The following ARHGAP26 variants were observed in gnomAD, a reference collection of about 807,000 sequenced individuals.
ARHGAP26 encodes Rho GTPase activating protein 26.
Under a neutral mutation model 104.8 loss-of-function variants are expected in ARHGAP26, and 38 were observed. The ratio of observed to expected loss-of-function variants is 0.36; its 90% CI spans 0.28 to 0.48. The LOEUF (loss-of-function observed/expected upper bound fraction) is 0.48, where lower values mean the gene tolerates loss of function less well. Among genes scored for constraint, ARHGAP26 ranks in the 20% least tolerant of loss-of-function variants. The pLI is 0.99. For synonymous variants in ARHGAP26, 341 were observed against 340.0 expected, an observed-to-expected ratio of 1.00 and a Z score of -0.03; for missense variants, 704 against 947.9, an observed-to-expected ratio of 0.74 and a Z score of 3.38.
intron 11 of ARHGAP26, among the ~76,000 whole-genome samples, chr5:143,006,094 T>C (rs1471461436): frequency 6.6e-6 from 1 of 152,218 alleles, no homozygotes; most frequent in Non-Finnish European, 1.5e-5. Context: ...TGAGGGATTT[T>C]GATAGCCTTG....
chr5:142,844,271 A>C lies in ARHGAP26; in HGVS notation c.155-29129A>C, dbSNP rs1417962150. Among the ~76,000 whole-genome samples the C allele has an allele frequency of 5.3e-5, 8 of 151,712 alleles. 1 individual carries two copies. The East Asian group carries it at 1.4e-3, about 26-fold the overall frequency. ...TCGCCATATCGACCAGGCTGGTCTC[A>C]AACTCCTGACCTCAGGTGATCCGCC... On this transcript the variant is annotated intron_variant, in intron 1 of 22. Transcript: ENST00000645722.
At chr5:143,149,572 A>G (rs1799565712) in intron 20 of ARHGAP26, among the ~76,000 whole-genome samples, 1 of 152,188 alleles carries the variant, frequency 6.6e-6, no homozygotes, top group Admixed American at 6.5e-5. Context: ...CAGTCCTAAC[A>G]AATGGACCCA....
At chr5:143,106,194 A>G (rs1793988827) in intron 17 of ARHGAP26, among the ~76,000 whole-genome samples, 1 of 152,178 alleles carries the variant, frequency 6.6e-6, no homozygotes, top group South Asian at 2.1e-4. Context: ...TCCTTGATGT[A>G]AATTTCTGGA....
At chr5:142,900,701 G>A (rs26693) in intron 6 of ARHGAP26, among the ~76,000 whole-genome samples, 39,914 of 151,518 alleles carry the variant, frequency 0.26, 5,740 homozygotes, top group South Asian at 0.5. Context: ...AGTGGGATGG[G>A]ATTATGTTTA....
At chr5:142,906,285 C>A (rs549401573) in intron 8 of ARHGAP26, among the ~76,000 whole-genome samples, 15 of 152,224 alleles carry the variant, frequency 9.9e-5, no homozygotes, top group Admixed American at 3.9e-4. Context: ...AATTAGCAAT[C>A]TGAAGGTAAC....
At position 142,873,300 on chromosome 5, in the gene ARHGAP26, C is replaced by T. The variant is rs148027867; in HGVS notation, c.155-100C>T. The T allele has an allele frequency of 2.6e-4, 205 of 775,208 alleles. No individual in the cohort carries two copies. In the African/African-American group the frequency reaches 2.8e-3, roughly 11 times the overall value. The allele number at this position is 775,208 out of a possible 1,614,324, so 48.0% of individuals were successfully genotyped here. A position where few individuals can be genotyped will look rare whatever the true frequency, so the allele number is the denominator to read the frequency against. ...TTTGAAATGGACTCAGGAACAAATC[C>T]GCCTCCTAAGATATTCCTAGAAGGA... On this transcript the variant is annotated intron_variant, in intron 1 of 22. Coordinates refer to ENST00000645722, the MANE Select transcript of ARHGAP26 (RefSeq NM_001135608.3).
At chr5:143,115,833 G>T (rs1429396646) in intron 17 of ARHGAP26, among the ~76,000 whole-genome samples, 1 of 152,196 alleles carries the variant, frequency 6.6e-6, no homozygotes, top group Non-Finnish European at 1.5e-5. Flanking sequence ...AGCTGTTAAT[G>T]TCTGTCTTAT....
At chr5:143,013,766 T>C (rs1301670095) in intron 11 of ARHGAP26, among the ~76,000 whole-genome samples, 1 of 152,234 alleles carries the variant, frequency 6.6e-6, no homozygotes, top group Non-Finnish European at 1.5e-5. Context: ...TGCTTAATGA[T>C]TTGTAACTAA....
chr5:142,843,966 G>T (rs1012982550), intron 1 of ARHGAP26, among the ~76,000 whole-genome samples: 1 of 151,642 alleles, frequency 6.6e-6, no homozygotes, highest in African/African-American at 2.4e-5. Context: ...GATGATAACT[G>T]TCTCCTTCCA....
chr5:142,867,395 A>G (rs989667032), intron 1 of ARHGAP26, among the ~76,000 whole-genome samples: 1 of 151,528 alleles, frequency 6.6e-6, no homozygotes, highest in African/African-American at 2.4e-5. Context: ...AAGGGACTGT[A>G]ACTTGCTTTT....
rs879519977 is a variant in ARHGAP26 at position 143,120,890 on chromosome 5, G to A, written c.1539-98G>A. The A allele has an allele frequency of 4.8e-6, 6 of 1,237,638 alleles. No homozygotes were observed. The Admixed American group carries it at 1.5e-4, about 30-fold the overall frequency. 76.7% of individuals were successfully genotyped at this position (1,237,638 alleles called of 1,614,324 possible). On this transcript the variant is annotated intron_variant, in intron 17 of 22. Transcript: ENST00000645722. ...CCCAAGTTCTGGCTCCTACAGATGA[G>A]GAGTCTATAAATAGGAAGATAGGAA...
intron 12 of ARHGAP26, among the ~76,000 whole-genome samples, chr5:143,020,632 CTTTTTTT>C (rs11357774): frequency 1.6e-5 from 1 of 61,706 alleles, no homozygotes. Flanking sequence ...TGCTCTAGTG[CTTTTTTT>C]TTTTTTTTTT....
At chr5:143,174,190 A>G (rs565091314) in intron 20 of ARHGAP26, among the ~76,000 whole-genome samples, 1 of 152,310 alleles carries the variant, frequency 6.6e-6, no homozygotes, top group South Asian at 2.1e-4. Context: ...AAGATAGGTA[A>G]CAATCTATTG....
At chr5:143,090,838 G>A (rs1353534681) in intron 17 of ARHGAP26, among the ~76,000 whole-genome samples, 1 of 152,210 alleles carries the variant, frequency 6.6e-6, no homozygotes, top group Non-Finnish European at 1.5e-5. Context: ...ACTCCTGGTT[G>A]ATACTGGGGT....
chr5:143,207,883 A>G (rs1416814350), intron 21 of ARHGAP26, among the ~76,000 whole-genome samples: 1 of 152,258 alleles, frequency 6.6e-6, no homozygotes, highest in Non-Finnish European at 1.5e-5. Context: ...ACACCCAGTC[A>G]CTTAGACCAG....
intron 20 of ARHGAP26, among the ~76,000 whole-genome samples, chr5:143,147,809 A>G (rs1799343089): frequency 6.6e-6 from 1 of 152,160 alleles, no homozygotes. Context: ...CTCCATGTCC[A>G]CTTCCATAAG....
In ARHGAP26 at chr5:142,963,163, GGTATATATGTATATAT is replaced by G. The variant is rs1483690507; in HGVS notation, c.1107+31039_1107+31054del. Among the ~76,000 whole-genome samples, 598 of 112,202 alleles carry G rather than the reference GGTATATATGTATATAT, an allele frequency of 5.3e-3. 11 individuals are homozygous for G. Among genetic ancestry groups the G allele is most frequent in the African/African-American group, 8.0e-3 (185 of 23,028 alleles). The allele number at this position is 112,202 out of a possible 152,430, so 73.6% of individuals were successfully genotyped here. The stretch of plus-strand genomic sequence containing the variant: ...TTTTTATGGCTGTGTAGTATTCCAT[GGTATATATGTATATAT>G]ATATATATATATATATATATGTGTG... On this transcript the variant is annotated intron_variant, in intron 11 of 22. Transcript: ENST00000645722.
chr5:143,128,177 T>C (rs1020609812), intron 18 of ARHGAP26, among the ~76,000 whole-genome samples: 1 of 152,224 alleles, frequency 6.6e-6, no homozygotes, highest in African/African-American at 2.4e-5. Flanking sequence ...AGGTAGGTTG[T>C]GCATTTGAAC....
chr5:143,183,364 G>A (rs1255574603), intron 20 of ARHGAP26, among the ~76,000 whole-genome samples: 1 of 152,176 alleles, frequency 6.6e-6, no homozygotes, highest in Non-Finnish European at 1.5e-5. Flanking sequence ...TTATCGTGGG[G>A]ATTGAGGAGA....
Sources: gnomAD v4.1 joint callset for allele counts (sites outside exome capture counted in the v4.1 genomes callset) on GRCh38, gnomAD v4.1.1 for gene constraint, MANE v1.5 for transcripts, NCBI Gene and HGNC (gene_info 2026-07-23, HGNC 2026-07-21) for gene names.